DIP2B: variants seen among roughly 807,000 people sequenced by gnomAD.
The protein encoded by DIP2B is disco-interacting protein 2 homolog B.
A neutral mutation model predicts 198.0 loss-of-function variants in DIP2B; 76 were observed. The ratio of observed to expected loss-of-function variants is 0.38; its 90% CI spans 0.32 to 0.46. The LOEUF (loss-of-function observed/expected upper bound fraction) is 0.46, where lower values mean the gene tolerates loss of function less well. DIP2B is among the 20% of genes least tolerant of loss of function. The pLI is 0.99. For missense variants in DIP2B, 1,559 were observed against 1,978.4 expected, an observed-to-expected ratio of 0.79 and a Z score of 4.02; for synonymous variants, 701 against 739.1, an observed-to-expected ratio of 0.95 and a Z score of 0.84.
At chr12:50,669,778 T>G (rs1251334478) in intron 4 of DIP2B, among the ~76,000 whole-genome samples, 1 of 152,134 alleles carries the variant, frequency 6.6e-6, no homozygotes, top group East Asian at 1.9e-4. Context: ...ACTTCTAGAT[T>G]AGATGAGTCT....
rs1940352589 is a variant in DIP2B at position 50,747,231 on chromosome 12, TAGAC to T, written c.*2395_*2398del. On this transcript the variant is annotated 3_prime_UTR_variant, in exon 38 of 38. Transcript: ENST00000301180. Reference sequence around the variant, plus strand: ...CAAATGTGACTAGTGGCTACCATATTAGACAGTGCAGATCTATACTCATTCCTTC... The same window carrying T: ...CAAATGTGACTAGTGGCTACCATATTAGTGCAGATCTATACTCATTCCTTC... 1.3e-5 allele frequency: 2 copies of T among 152,308 alleles called. No individual in the cohort carries two copies. The highest frequency in any genetic ancestry group is 4.1e-4 in the South Asian group (2 of 4,832). 9.4% of individuals were successfully genotyped at this position (152,308 alleles called of 1,614,324 possible).
intron 1 of DIP2B, among the ~76,000 whole-genome samples, chr12:50,565,688 C>G (rs1371956743): frequency 6.6e-6 from 1 of 152,084 alleles, no homozygotes; most frequent in African/African-American, 2.4e-5. Context: ...GTCTTCACAT[C>G]TAGTAGGATA....
chr12:50,531,607 G>A (rs574649108), intron 1 of DIP2B, among the ~76,000 whole-genome samples: 40 of 152,320 alleles, frequency 2.6e-4, no homozygotes, highest in African/African-American at 9.4e-4. Flanking sequence ...AGGGTTTAGG[G>A]ACAGGGTTGG....
intron 2 of DIP2B, among the ~76,000 whole-genome samples, chr12:50,639,729 A>G (rs1938221759): frequency 6.6e-6 from 1 of 152,140 alleles, no homozygotes; most frequent in South Asian, 2.1e-4. Flanking sequence ...TGCTGGGCAT[A>G]ACCGGGTGCT....
Position 50,698,317 on chromosome 12 carries a change from C to T in DIP2B, c.2049-11C>T. On this transcript the variant is annotated splice_polypyrimidine_tract_variant and intron_variant, in intron 17 of 37. Transcript: ENST00000301180. ...TTTCATTCACCAAACTTGATGGGTTCTTCTTTTCAGGCCTGGAGTTCCAGG... is the reference window on the plus strand; with the variant it reads ...TTTCATTCACCAAACTTGATGGGTTTTTCTTTTCAGGCCTGGAGTTCCAGG... 1 of 1,605,260 alleles carries T rather than the reference C, an allele frequency of 6.2e-7. No individual in the cohort carries two copies. The highest frequency in any genetic ancestry group is 8.5e-7 in the Non-Finnish European group (1 of 1,176,834).
intron 37 of DIP2B, 134 bp downstream of exon 37, chr12:50,741,673 C>A: frequency 8.0e-7 from 1 of 1,243,348 alleles, no homozygotes. Flanking sequence ...AGGAAATAGA[C>A]TGATTCTTGT....
At chr12:50,739,124 G>A (rs1268936175) in intron 35 of DIP2B, among the ~76,000 whole-genome samples, 1 of 152,184 alleles carries the variant, frequency 6.6e-6, no homozygotes, top group Non-Finnish European at 1.5e-5. Context: ...GCATGGGTGC[G>A]AGTCTCCTCA....
At position 50,682,482 on chromosome 12, in the gene DIP2B, A is replaced by G. The variant is rs181435372; in HGVS notation, c.1207-656A>G. 7.8e-4 allele frequency among the ~76,000 whole-genome samples: 119 copies of G among 152,152 alleles called. 2 individuals carry two copies. Among genetic ancestry groups the G allele is most frequent in the South Asian group, 2.5e-3 (12 of 4,816 alleles). ...ATCTCTACTAAAAATATTAAAAATT[A>G]GCCAGGCGTGGTGGCAGGCACCTGT... On this transcript the variant is annotated intron_variant, in intron 9 of 37. Transcript: ENST00000301180.
At chr12:50,640,191 C>T (rs1372909593) in intron 2 of DIP2B, among the ~76,000 whole-genome samples, 2 of 151,708 alleles carry the variant, frequency 1.3e-5, no homozygotes, top group Non-Finnish European at 2.9e-5. Context: ...GTTTATTTAC[C>T]CCATCCCCAT....
chr12:50,687,858 C>A (rs1395056802), intron 12 of DIP2B, among the ~76,000 whole-genome samples: 2 of 149,970 alleles, frequency 1.3e-5, no homozygotes, highest in Admixed American at 6.7e-5. Flanking sequence ...ATGTAACCTA[C>A]ATGCAAGTTC....
At chr12:50,677,154 A>G (rs1185835363) in intron 7 of DIP2B, among the ~76,000 whole-genome samples, 4 of 151,898 alleles carry the variant, frequency 2.6e-5, no homozygotes, top group Non-Finnish European at 5.9e-5. Context: ...ATTCCTGATC[A>G]TCCTTTAAGA....
In DIP2B at chr12:50,746,436, AATAAGGTTT is replaced by A. The variant is rs1205222831; in HGVS notation, c.*1602_*1610del. On this transcript the variant is annotated 3_prime_UTR_variant, in exon 38 of 38. Coordinates refer to ENST00000301180, the MANE Select transcript of DIP2B (RefSeq NM_173602.3). Reference sequence around the variant, plus strand: ...TTTTAAGACTTGTAATTACCCTGAAAATAAGGTTTATAATGCAAAGACCAGCTCCTTTGC... The same window carrying A: ...TTTTAAGACTTGTAATTACCCTGAAAATAATGCAAAGACCAGCTCCTTTGC... The A allele has an allele frequency of 2.6e-5, 4 of 152,126 alleles. No individual in the cohort carries two copies. Among genetic ancestry groups the A allele is most frequent in the Admixed American group, 6.5e-5 (1 of 15,276 alleles). 9.4% of individuals were successfully genotyped at this position (152,126 alleles called of 1,614,324 possible).
At chr12:50,684,183 C>T (rs1939093465) in intron 10 of DIP2B, among the ~76,000 whole-genome samples, 1 of 152,174 alleles carries the variant, frequency 6.6e-6, no homozygotes, top group South Asian at 2.1e-4. Context: ...TAAAGAATCC[C>T]ACTCTTGCTT....
intron 23 of DIP2B, among the ~76,000 whole-genome samples, chr12:50,716,406 G>C (rs1030540455): frequency 2.0e-5 from 3 of 151,918 alleles, no homozygotes; most frequent in African/African-American, 7.3e-5. Flanking sequence ...GGAGGCTGAG[G>C]CAGGAGAATG....
chr12:50,582,712 T>A (rs12300290), intron 1 of DIP2B, among the ~76,000 whole-genome samples: 2 of 152,098 alleles, frequency 1.3e-5, no homozygotes, highest in East Asian at 3.8e-4. Context: ...CTGTGCCCCA[T>A]CCACTTTTCT....
intron 1 of DIP2B, among the ~76,000 whole-genome samples, chr12:50,507,370 G>A (rs4259895): frequency 0.96 from 146,173 of 152,266 alleles, 70,448 homozygotes; most frequent in East Asian, 1. Context: ...CTGGAGAAGT[G>A]GATAGACATT....
chr12:50,538,535 A>G (rs1958290478), intron 1 of DIP2B, among the ~76,000 whole-genome samples: 1 of 152,170 alleles, frequency 6.6e-6, no homozygotes, highest in Non-Finnish European at 1.5e-5. Context: ...TGTAACTTTC[A>G]GTAATATGTT....
intron 1 of DIP2B, among the ~76,000 whole-genome samples, chr12:50,533,542 G>A (rs2139365987): frequency 6.6e-6 from 1 of 152,160 alleles, no homozygotes; most frequent in Non-Finnish European, 1.5e-5. Context: ...GGGTAAGAAG[G>A]GATTTCACCT....
chr12:50,508,831 T>C (rs1479453882), intron 1 of DIP2B, among the ~76,000 whole-genome samples: 1 of 151,988 alleles, frequency 6.6e-6, no homozygotes. Flanking sequence ...TCAGCCTTTC[T>C]GAGTAGCTGG....
Sources: gnomAD v4.1 joint callset for allele counts (sites outside exome capture counted in the v4.1 genomes callset) on GRCh38, gnomAD v4.1.1 for gene constraint, MANE v1.5 for transcripts, NCBI Gene and HGNC (gene_info 2026-07-23, HGNC 2026-07-21) for gene names.